The following DOCK3 variants were observed in gnomAD, a reference collection of about 807,000 sequenced individuals.
DOCK3 encodes dedicator of cytokinesis protein 3.
Under a neutral mutation model 265.6 loss-of-function variants are expected in DOCK3, and 60 were observed. The observed-to-expected ratio is 0.23, with a 90% CI of 0.18 to 0.28. DOCK3 has a LOEUF of 0.28. Among genes scored for constraint, DOCK3 ranks in the 10% least tolerant of loss-of-function variants. The probability of loss-of-function intolerance (pLI) is 1.00; values close to 1 mark genes in which losing one functional copy is unlikely to be tolerated. For missense variants in DOCK3, 1,981 were observed against 2,594.3 expected, an observed-to-expected ratio of 0.76 and a Z score of 5.14; for synonymous variants, 881 against 938.0, an observed-to-expected ratio of 0.94 and a Z score of 1.11.
intron 12 of DOCK3, among the ~76,000 whole-genome samples, chr3:51,180,948 A>C (rs2087256270): frequency 6.6e-6 from 1 of 152,186 alleles, no homozygotes. Context: ...AGAAGTTACT[A>C]CTTCTCCCAG....
chr3:50,828,015 G>A (rs911300029), intron 2 of DOCK3, among the ~76,000 whole-genome samples: 2 of 150,536 alleles, frequency 1.3e-5, no homozygotes, highest in African/African-American at 4.9e-5. Context: ...GTGCGATCTC[G>A]GCTCACTGCA....
intron 12 of DOCK3, among the ~76,000 whole-genome samples, chr3:51,161,745 A>G (rs994541128): frequency 4.6e-5 from 7 of 152,196 alleles, no homozygotes; most frequent in Non-Finnish European, 8.8e-5. Flanking sequence ...GAGCTGGCTA[A>G]TGATCAAGAT....
intron 5 of DOCK3, among the ~76,000 whole-genome samples, chr3:50,974,459 G>C (rs1440138257): frequency 1.7e-4 from 26 of 152,010 alleles, no homozygotes; most frequent in Admixed American, 1.7e-3. Flanking sequence ...TAGATATGCA[G>C]CGTTATTTCT....
At chr3:50,876,351 T>C (rs1386335884) in intron 3 of DOCK3, among the ~76,000 whole-genome samples, 1 of 152,058 alleles carries the variant, frequency 6.6e-6, no homozygotes, top group Non-Finnish European at 1.5e-5. Context: ...AAATACAAAA[T>C]GATTATTAAA....
At chr3:50,993,555 C>T (rs151226423) in intron 5 of DOCK3, among the ~76,000 whole-genome samples, 2 of 152,174 alleles carry the variant, frequency 1.3e-5, no homozygotes, top group African/African-American at 2.4e-5. Flanking sequence ...CTCCTCTGCA[C>T]CCCCAGCATG....
chr3:51,150,295 A>C (rs1361941644), intron 10 of DOCK3, among the ~76,000 whole-genome samples: 1 of 151,818 alleles, frequency 6.6e-6, no homozygotes, highest in East Asian at 1.9e-4. Context: ...CAGCTCCTGG[A>C]TTCATTGATT....
rs2082979511 is a variant in DOCK3, at chr3:51,310,139, C to T, written c.2923-93C>T. ...CCAGATCTAACTCACTGGTCCCACC[C>T]ATTGTCATGATCTAGTGGCGGCCAG... On this transcript the variant is annotated intron_variant, in intron 27 of 52. Transcript: ENST00000266037. The T allele has an allele frequency of 1.4e-5, 13 of 915,134 alleles. No individual in the cohort carries two copies. In the East Asian group the frequency reaches 3.1e-4, roughly 22 times the overall value. The allele number at this position is 915,134 out of a possible 1,614,324, so 56.7% of individuals were successfully genotyped here.
At chr3:50,854,591 A>ATTTTTTTTTTTTTTTTTTTT (rs1559726991) in intron 3 of DOCK3, among the ~76,000 whole-genome samples, 5 of 4,316 alleles carry the variant, frequency 1.2e-3, no homozygotes, top group African/African-American at 2.1e-3. Context: ...CCATCACACC[A>ATTTTTTTTTTTTTTTTTTTT]GTTTTTTTTT....
chr3:50,828,222 C>T (rs762082886), intron 2 of DOCK3, among the ~76,000 whole-genome samples: 2 of 152,008 alleles, frequency 1.3e-5, no homozygotes, highest in African/African-American at 4.8e-5. Flanking sequence ...AGCCACCACA[C>T]GTGCCAGAAA....
chr3:51,379,370 A>G (rs1223748336), intron 51 of DOCK3: 5 of 984,354 alleles, frequency 5.1e-6, no homozygotes, highest in Admixed American at 6.1e-5. Context: ...TGCACACTGG[A>G]GAAGCCACAA....
chr3:50,908,975 C>T (rs935125297), intron 4 of DOCK3, among the ~76,000 whole-genome samples: 5 of 151,772 alleles, frequency 3.3e-5, no homozygotes, highest in African/African-American at 1.2e-4. Flanking sequence ...TAATGCCCTT[C>T]TTTGTCTTTT....
At chr3:50,742,327 C>T (rs1346043298) in intron 1 of DOCK3, among the ~76,000 whole-genome samples, 18 of 152,276 alleles carry the variant, frequency 1.2e-4, no homozygotes, top group South Asian at 1.0e-3. Context: ...TCACCAGCAA[C>T]GGAACAAAGC....
chr3:51,176,469 A>T (rs367930506), intron 12 of DOCK3, among the ~76,000 whole-genome samples: 292 of 151,928 alleles, frequency 1.9e-3, no homozygotes, highest in African/African-American at 5.8e-3. Context: ...ATAAAAAAAA[A>T]AAAAAAATTA....
At chr3:51,197,037 T>C (rs1242629841) in intron 12 of DOCK3, among the ~76,000 whole-genome samples, 1 of 151,986 alleles carries the variant, frequency 6.6e-6, no homozygotes, top group Non-Finnish European at 1.5e-5. Context: ...TTCCTAAAGA[T>C]GTGTCTATGG....
chr3:50,959,832 G>A (rs970148858), intron 5 of DOCK3, among the ~76,000 whole-genome samples: 5 of 151,884 alleles, frequency 3.3e-5, no homozygotes, highest in Non-Finnish European at 7.4e-5. Context: ...TGCCCACCTC[G>A]GCCTCTCAAA....
intron 10 of DOCK3, among the ~76,000 whole-genome samples, chr3:51,155,165 G>A (rs747940970): frequency 1.7e-4 from 26 of 151,700 alleles, no homozygotes; most frequent in African/African-American, 4.8e-4. Context: ...AAGAGATGGC[G>A]TCTTGCTATT....
intron 32 of DOCK3, among the ~76,000 whole-genome samples, chr3:51,318,047 T>C (rs1025786513): frequency 8.5e-5 from 13 of 152,174 alleles, no homozygotes; most frequent in African/African-American, 3.1e-4. Context: ...TCTATAACAT[T>C]CCTGCTGAGA....
At chr3:51,306,100 A>G (rs1182764383) in intron 27 of DOCK3, among the ~76,000 whole-genome samples, 3 of 151,188 alleles carry the variant, frequency 2.0e-5, no homozygotes, top group Non-Finnish European at 4.4e-5. Flanking sequence ...TCCTGGGCTC[A>G]AGCAATCCTC....
At chr3:51,023,960 G>C (rs2079704384) in intron 5 of DOCK3, among the ~76,000 whole-genome samples, 1 of 152,046 alleles carries the variant, frequency 6.6e-6, no homozygotes, top group South Asian at 2.1e-4. Flanking sequence ...CATATTACCA[G>C]AATTACATTT....
Sources: gnomAD v4.1 joint callset for allele counts (sites outside exome capture counted in the v4.1 genomes callset) on GRCh38, gnomAD v4.1.1 for gene constraint, MANE v1.5 for transcripts, NCBI Gene and HGNC (gene_info 2026-07-23, HGNC 2026-07-21) for gene names.